ETV6: variants seen among roughly 807,000 people sequenced by gnomAD.
ETV6 encodes the protein ETS variant transcription factor 6.
A neutral mutation model predicts 51.1 loss-of-function variants in ETV6; 16 were observed. The ratio of observed to expected loss-of-function variants is 0.31; its 90% CI spans 0.21 to 0.48. The LOEUF is 0.48. Among genes scored for constraint, ETV6 ranks in the 20% least tolerant of loss-of-function variants. The probability of loss-of-function intolerance (pLI) is 0.99; values close to 1 mark genes in which losing one functional copy is unlikely to be tolerated. For synonymous variants in ETV6, 240 were observed against 224.1 expected, an observed-to-expected ratio of 1.07 and a Z score of -0.64; for missense variants, 458 against 594.8, an observed-to-expected ratio of 0.77 and a Z score of 2.39.
chr12:11,761,351 A>G (rs968791735), intron 2 of ETV6, among the ~76,000 whole-genome samples: 1 of 152,236 alleles, frequency 6.6e-6, no homozygotes, highest in Non-Finnish European at 1.5e-5. Context: ...CTGTATGCAC[A>G]CTGTTATCTG....
At chr12:11,865,449 G>T (rs552655553) in intron 4 of ETV6, among the ~76,000 whole-genome samples, 1 of 151,722 alleles carries the variant, frequency 6.6e-6, no homozygotes, top group Non-Finnish European at 1.5e-5. Flanking sequence ...ATACATTGCA[G>T]ATGGTTAACG....
At chr12:11,770,931 T>C (rs1308106926) in intron 2 of ETV6, among the ~76,000 whole-genome samples, 1 of 152,076 alleles carries the variant, frequency 6.6e-6, no homozygotes, top group Non-Finnish European at 1.5e-5. Context: ...GCCTATGCAA[T>C]GGCTCTGAGG....
intron 1 of ETV6, among the ~76,000 whole-genome samples, chr12:11,751,040 G>A (rs1866016048): frequency 6.6e-6 from 1 of 152,092 alleles, no homozygotes; most frequent in Non-Finnish European, 1.5e-5. Context: ...CAGGATGTAT[G>A]TTTAAACAGA....
intron 2 of ETV6, among the ~76,000 whole-genome samples, chr12:11,766,298 C>T (rs1016488677): frequency 6.6e-6 from 1 of 152,134 alleles, no homozygotes; most frequent in Non-Finnish European, 1.5e-5. Flanking sequence ...TGTGGGCAGA[C>T]AGAGCTTCCT....
At chr12:11,858,835 A>C in intron 4 of ETV6, among the ~76,000 whole-genome samples, 1 of 135,432 alleles carries the variant, frequency 7.4e-6, no homozygotes, top group African/African-American at 2.5e-5. Flanking sequence ...AGTGATGAGG[A>C]GAACTTTCAA....
At chr12:11,748,372 C>A (rs1367908382) in intron 1 of ETV6, among the ~76,000 whole-genome samples, 3 of 152,210 alleles carry the variant, frequency 2.0e-5, no homozygotes, top group Non-Finnish European at 4.4e-5. Flanking sequence ...GCAGAGAAAT[C>A]TTTGAAATTA....
chr12:11,674,118 C>A (rs748469853), intron 1 of ETV6, among the ~76,000 whole-genome samples: 1 of 152,212 alleles, frequency 6.6e-6, no homozygotes, highest in Non-Finnish European at 1.5e-5. Flanking sequence ...CCCGCAGATA[C>A]AATGCACGGA....
chr12:11,872,696 G>A (rs529858212), intron 5 of ETV6, among the ~76,000 whole-genome samples: 67 of 151,994 alleles, frequency 4.4e-4, no homozygotes, highest in Admixed American at 2.0e-4. Flanking sequence ...GGGTTTCACC[G>A]TGTTGGCCAG....
At chr12:11,685,568 G>T (rs1864613310) in intron 1 of ETV6, among the ~76,000 whole-genome samples, 1 of 152,000 alleles carries the variant, frequency 6.6e-6, no homozygotes, top group African/African-American at 2.4e-5. Flanking sequence ...ACCAGGAAGT[G>T]GGAAGCAAAT....
intron 2 of ETV6, among the ~76,000 whole-genome samples, chr12:11,774,437 T>C (rs973041630): frequency 6.6e-6 from 1 of 152,200 alleles, no homozygotes; most frequent in Admixed American, 6.5e-5. Flanking sequence ...GAAGAGACTA[T>C]GGACTCTGCC....
At chr12:11,666,041 G>T (rs1165911068) in intron 1 of ETV6, among the ~76,000 whole-genome samples, 5 of 152,138 alleles carry the variant, frequency 3.3e-5, no homozygotes, top group African/African-American at 1.2e-4. Context: ...AGAACCAGTG[G>T]CTGTTTGTTG....
At chr12:11,822,469 G>C (rs1334918958) in intron 2 of ETV6, among the ~76,000 whole-genome samples, 1 of 152,136 alleles carries the variant, frequency 6.6e-6, no homozygotes, top group African/African-American at 2.4e-5. Flanking sequence ...TTCATCTGTA[G>C]CATCAGTAAA....
At chr12:11,878,623 G>C (rs1947031434) in intron 5 of ETV6, among the ~76,000 whole-genome samples, 1 of 151,972 alleles carries the variant, frequency 6.6e-6, no homozygotes, top group Admixed American at 6.6e-5. Flanking sequence ...AGGAAGCGTA[G>C]ATTTTTGTAT....
At chr12:11,847,399 G>C (rs1335361696) in intron 3 of ETV6, among the ~76,000 whole-genome samples, 1 of 152,204 alleles carries the variant, frequency 6.6e-6, no homozygotes, top group Admixed American at 6.5e-5. Flanking sequence ...TGCCAGGCTG[G>C]AGTAGATTTA....
At position 11,683,852 on chromosome 12, in the gene ETV6, A is replaced by G. The variant is rs1460977287; in HGVS notation, c.33+33692A>G. Among the ~76,000 whole-genome samples, 5 of 152,034 alleles carry G rather than the reference A, an allele frequency of 3.3e-5. No individual in the cohort carries two copies. The South Asian group carries it at 6.2e-4, about 19-fold the overall frequency. On this transcript the variant is annotated intron_variant, in intron 1 of 7. Coordinates refer to ENST00000396373, the MANE Select transcript of ETV6 (RefSeq NM_001987.5). The stretch of plus-strand genomic sequence containing the variant: ...TTTTTTTCCTGTGGCATTCTGTCTC[A>G]TAATATGAACCTCATATAGTTGCCT...
At chr12:11,712,643 T>C (rs1034526261) in intron 1 of ETV6, among the ~76,000 whole-genome samples, 9 of 152,208 alleles carry the variant, frequency 5.9e-5, no homozygotes, top group African/African-American at 1.9e-4. Flanking sequence ...GAACTTCCTC[T>C]TCCTTGGGAG....
At position 11,752,479 on chromosome 12, in the gene ETV6, G is replaced by C; in HGVS notation, c.63G>C (p.Glu21Asp). 1.2e-6 allele frequency: 2 copies of C among 1,613,620 alleles called. No individual in the cohort carries two copies. The highest frequency in any genetic ancestry group is 1.7e-5 in the Admixed American group (1 of 59,996). The change falls in exon 2 of 8, where the codon GAG (glutamate) becomes GAC (aspartate). Residue 21 changes from glutamate (E) to aspartate (D), a missense_variant. Physicochemically the swap from Glu to Asp is conservative, Grantham distance 45. This residue lies in a region of ETV6 where 84 missense variants were observed against 75.9 expected (regional missense o/e 1.11). Coordinates refer to ENST00000396373, the MANE Select transcript of ETV6 (RefSeq NM_001987.5). ...KQERISYTPP[E>D]SPVPSYASST... ...AACGAATTTCATATACACCTCCAGA[G>C]AGCCCAGTGCCGAGTTACGCTTCCT... is the stretch of plus-strand genomic sequence containing the variant.
intron 2 of ETV6, among the ~76,000 whole-genome samples, chr12:11,812,620 G>A (rs189034970): frequency 6.6e-6 from 1 of 152,232 alleles, no homozygotes; most frequent in Admixed American, 6.5e-5. Flanking sequence ...TCTTACCAGA[G>A]GCGGGTCTCT....
intron 1 of ETV6, among the ~76,000 whole-genome samples, chr12:11,670,482 T>G (rs186219968): frequency 1.0e-3 from 154 of 152,354 alleles, no homozygotes; most frequent in African/African-American, 3.6e-3. Flanking sequence ...AGTAGTTATA[T>G]TCTTTAACTA....
Sources: allele counts gnomAD v4.1 joint callset (sites outside exome capture counted in the v4.1 genomes callset), GRCh38; gene constraint gnomAD v4.1.1; regional missense constraint gnomAD v4.1.1; transcripts MANE v1.5; gene names NCBI Gene and HGNC (gene_info 2026-07-23, HGNC 2026-07-21).